SCGN: variants seen among roughly 807,000 people sequenced by gnomAD.
SCGN encodes the protein secretagogin.
Under a neutral mutation model 39.7 loss-of-function variants are expected in SCGN, and 30 were observed. The ratio of observed to expected loss-of-function variants is 0.76; its 90% CI spans 0.57 to 1.03. SCGN has a LOEUF of 1.03. SCGN is among the 50% of genes least tolerant of loss of function. SCGN has a pLI of 0.00. For missense variants in SCGN, 353 were observed against 349.4 expected (o/e 1.01, Z -0.08); for synonymous variants, 106 against 114.1 (o/e 0.93, Z 0.45).
intron 4 of SCGN, among the ~76,000 whole-genome samples, chr6:25,666,063 G>C (rs1760419478): frequency 6.6e-6 from 1 of 151,576 alleles, no homozygotes; most frequent in Non-Finnish European, 1.5e-5. Context: ...GTCCTGGCTG[G>C]GTGTGGTGGC....
chr6:25,671,587 A>C (rs961523738), intron 6 of SCGN, among the ~76,000 whole-genome samples: 2 of 152,220 alleles, frequency 1.3e-5, no homozygotes, highest in Non-Finnish European at 2.9e-5. Context: ...GATTTGTTTT[A>C]ATAGCATGCA....
chr6:25,670,928 T>C (rs2151379250), intron 6 of SCGN, among the ~76,000 whole-genome samples: 1 of 152,374 alleles, frequency 6.6e-6, no homozygotes, highest in South Asian at 2.1e-4. Flanking sequence ...TTCTCATCCC[T>C]ACGTGAGTGC....
intron 10 of SCGN, among the ~76,000 whole-genome samples, chr6:25,699,732 G>A (rs983678148): frequency 1.3e-5 from 2 of 152,066 alleles, no homozygotes; most frequent in Non-Finnish European, 2.9e-5. Flanking sequence ...TTCTGTTTGT[G>A]CAAATAAAGG....
chr6:25,693,331 A>T (rs1759796804), intron 10 of SCGN, among the ~76,000 whole-genome samples: 1 of 151,408 alleles, frequency 6.6e-6, no homozygotes. Context: ...GGGCGCCTGT[A>T]GTCCCAGCTA....
intron 7 of SCGN, among the ~76,000 whole-genome samples, chr6:25,682,317 A>G (rs960655626): frequency 3.9e-5 from 6 of 152,210 alleles, no homozygotes; most frequent in African/African-American, 1.4e-4. Flanking sequence ...CATGACAAAA[A>G]TGTCCCAAAT....
At chr6:25,684,638 A>G (rs1759680899) in intron 7 of SCGN, among the ~76,000 whole-genome samples, 4 of 152,286 alleles carry the variant, frequency 2.6e-5, no homozygotes, top group Admixed American at 1.3e-4. Context: ...TACTAAAAAT[A>G]CAAAAAATAA....
intron 10 of SCGN, among the ~76,000 whole-genome samples, chr6:25,695,033 T>C (rs1041210736): frequency 1.3e-5 from 2 of 152,190 alleles, no homozygotes; most frequent in Non-Finnish European, 2.9e-5. Context: ...GTAATAACTC[T>C]GAAGTAAGCT....
At chr6:25,669,114 A>AAG (rs1759453580) in intron 4 of SCGN, among the ~76,000 whole-genome samples, 1 of 152,048 alleles carries the variant, frequency 6.6e-6, no homozygotes, top group South Asian at 2.1e-4. Context: ...CCGTCTCAAA[A>AAG]AAAAAAAAAA....
At chr6:25,660,394 T>C (rs1760316370) in intron 2 of SCGN, among the ~76,000 whole-genome samples, 1 of 152,218 alleles carries the variant, frequency 6.6e-6, no homozygotes, top group Non-Finnish European at 1.5e-5. Context: ...TCTCTTTTGC[T>C]GACTATAATA....
intron 2 of SCGN, among the ~76,000 whole-genome samples, chr6:25,656,547 T>C (rs970725575): frequency 1.3e-5 from 2 of 152,210 alleles, no homozygotes; most frequent in Non-Finnish European, 2.9e-5. Context: ...TTTTAGCCAG[T>C]TCATGGATAA....
intron 4 of SCGN, among the ~76,000 whole-genome samples, chr6:25,666,417 C>G (rs985044193): frequency 6.6e-6 from 1 of 151,994 alleles, no homozygotes; most frequent in Non-Finnish European, 1.5e-5. Flanking sequence ...CAGATGTAGA[C>G]AAAAGTTTTC....
chr6:25,658,090 A>AGT (rs2151376898), intron 2 of SCGN, among the ~76,000 whole-genome samples: 1 of 115,886 alleles, frequency 8.6e-6, no homozygotes, highest in South Asian at 2.9e-4. Flanking sequence ...CCCAGGCTGG[A>AGT]GTGCAGTGGT....
rs527667613 is a variant in SCGN at position 25,665,803 on chromosome 6, C to T, written c.336+771C>T. On this transcript the variant is annotated intron_variant, in intron 4 of 10. Transcript: ENST00000377961. ...ATTCTGAATGGACCATGAATTTATGCCAGTAACTCAGGAAATGCACATTAA... is the reference window on the plus strand; with the variant it reads ...ATTCTGAATGGACCATGAATTTATGTCAGTAACTCAGGAAATGCACATTAA... Among the ~76,000 whole-genome samples the T allele has an allele frequency of 4.9e-4, 74 of 152,150 alleles. 1 individual carries two copies. Among genetic ancestry groups the T allele is most frequent in the South Asian group, 8.3e-4 (4 of 4,820 alleles).
At chr6:25,657,471 A>G (rs1031514226) in intron 2 of SCGN, among the ~76,000 whole-genome samples, 1 of 152,126 alleles carries the variant, frequency 6.6e-6, no homozygotes, top group African/African-American at 2.4e-5. Flanking sequence ...CACAAGTGAA[A>G]GGTGCTTTTA....
At position 25,672,250 on chromosome 6, in the gene SCGN, A is replaced by G. The variant is rs1452073396; in HGVS notation, c.471+2174A>G. ...TTCCGCAAATATTCATTACATATCT[A>G]CTATGCCCCAAGCATTATTCTAGTC... is the stretch of plus-strand genomic sequence containing the variant. On this transcript the variant is annotated intron_variant, in intron 6 of 10. Coordinates refer to ENST00000377961, the MANE Select transcript of SCGN (RefSeq NM_006998.4). Among the ~76,000 whole-genome samples, 4 of 152,198 alleles carry G rather than the reference A, an allele frequency of 2.6e-5. 1 individual carries two copies. The highest frequency in any genetic ancestry group is 4.1e-4 in the South Asian group (2 of 4,836).
chr6:25,683,759 G>T (rs1258667832), intron 7 of SCGN, among the ~76,000 whole-genome samples: 1 of 152,156 alleles, frequency 6.6e-6, no homozygotes, highest in Non-Finnish European at 1.5e-5. Context: ...TGGTAACTCA[G>T]GTGCTGTTGA....
intron 7 of SCGN, among the ~76,000 whole-genome samples, chr6:25,688,287 T>A (rs1356723284): frequency 6.6e-6 from 1 of 152,214 alleles, no homozygotes; most frequent in Non-Finnish European, 1.5e-5. Context: ...TTTTGTTGTT[T>A]ATTTGGTGAC....
chr6:25,652,622 T>A, intron 1 of SCGN, 137 bp downstream of exon 1: 1 of 660,378 alleles, frequency 1.5e-6, no homozygotes, highest in South Asian at 2.0e-5. Context: ...CCTAATACAG[T>A]ATCATTAACA....
At chr6:25,672,133 C>T (rs909764799) in intron 6 of SCGN, among the ~76,000 whole-genome samples, 9 of 152,216 alleles carry the variant, frequency 5.9e-5, no homozygotes, top group African/African-American at 1.9e-4. Context: ...TCTTCTGTAG[C>T]CTTCCCTCCA....
Sources: gnomAD v4.1 joint callset for allele counts (sites outside exome capture counted in the v4.1 genomes callset) on GRCh38, gnomAD v4.1.1 for gene constraint, MANE v1.5 for transcripts, NCBI Gene and HGNC (gene_info 2026-07-23, HGNC 2026-07-21) for gene names.